DMD: variants seen among roughly 807,000 people sequenced by gnomAD.
The protein encoded by DMD is dystrophin.
In DMD, 63 loss-of-function variants were observed where a neutral mutation model predicts 330.1. The observed-to-expected ratio is 0.19, with a 90% confidence interval of 0.16 to 0.24. The LOEUF (loss-of-function observed/expected upper bound fraction) is 0.24, where lower values mean the gene tolerates loss of function less well. Ranked by LOEUF, DMD falls within the 10% of genes least tolerant of loss-of-function variation. DMD has a pLI of 1.00. For synonymous variants in DMD, 1,223 were observed against 959.8 expected, an observed-to-expected ratio of 1.27 and a Z score of -5.07; for missense variants, 3,344 against 2,684.1, an observed-to-expected ratio of 1.25 and a Z score of -5.43.
At chrX:31,215,245 C>CTT (rs765161735) in intron 64 of DMD, among the ~76,000 whole-genome samples, 2,025 of 99,811 alleles carry the variant, frequency 0.02, 21 homozygotes, top group Middle Eastern at 0.041. Context: ...CCAGCCGATA[C>CTT]TTTTTTTTTT....
At chrX:31,209,153 C>T (rs1405377626) in intron 65 of DMD, among the ~76,000 whole-genome samples, 1 of 111,002 alleles carries the variant, frequency 9.0e-6, no homozygotes, top group Non-Finnish European at 1.9e-5. Context: ...CAGCCATGGC[C>T]GCCAGTGAGA....
At chrX:32,494,444 G>A (rs907211261) in intron 19 of DMD, among the ~76,000 whole-genome samples, 2 of 111,169 alleles carry the variant, frequency 1.8e-5, no homozygotes, top group East Asian at 5.6e-4. Flanking sequence ...GAATTCTGGC[G>A]TTAAAGAGAC....
At chrX:32,564,920 A>G (rs944733309) in intron 16 of DMD, among the ~76,000 whole-genome samples, 7 of 111,919 alleles carry the variant, frequency 6.3e-5, no homozygotes, top group African/African-American at 9.7e-5. Context: ...AATTTTGAGT[A>G]AAGTTATTCC....
rs376263052 is a variant in DMD at position 32,454,299 on chromosome X, A to G, written c.3603+363T>C. Among the ~76,000 whole-genome samples, 11 of 111,361 alleles carry G rather than the reference A, an allele frequency of 9.9e-5. No individual in the cohort carries two copies. In the East Asian group the frequency reaches 2.8e-3, roughly 29 times the overall value. ...CAAATTAACACAGTTTGTTGACTAC[A>G]TTATAAATTTGTCTTTTCAAGAATA... is the stretch of plus-strand genomic sequence containing the variant. On this transcript the variant is annotated intron_variant, in intron 26 of 78. Coordinates refer to ENST00000357033, the MANE Select transcript of DMD (RefSeq NM_004006.3).
At chrX:32,003,949 G>C (rs2095644201) in intron 44 of DMD, among the ~76,000 whole-genome samples, 1 of 111,376 alleles carries the variant, frequency 9.0e-6, no homozygotes, top group African/African-American at 3.3e-5. Flanking sequence ...AAATTTTAGG[G>C]TAAGAAAATA....
chrX:33,177,577 G>C (rs906750838), intron 1 of DMD, among the ~76,000 whole-genome samples: 4 of 110,342 alleles, frequency 3.6e-5, no homozygotes, highest in African/African-American at 1.3e-4. Context: ...GTAGAGACGG[G>C]GTTTCACCAT....
chrX:33,309,825 CA>C (rs1337448948), intron 1 of DMD, among the ~76,000 whole-genome samples: 2 of 110,296 alleles, frequency 1.8e-5, no homozygotes, highest in Non-Finnish European at 3.8e-5. Context: ...AAAATTATAA[CA>C]AAAAAAGTAA....
chrX:32,651,862 G>C (rs1401216267), intron 9 of DMD, among the ~76,000 whole-genome samples: 3 of 112,158 alleles, frequency 2.7e-5, no homozygotes, highest in Non-Finnish European at 5.6e-5. Context: ...AAAAAATAAA[G>C]CTAACAAATT....
intron 45 of DMD, among the ~76,000 whole-genome samples, chrX:31,938,983 C>G (rs1436076613): frequency 9.0e-6 from 1 of 111,264 alleles, no homozygotes; most frequent in Non-Finnish European, 1.9e-5. Flanking sequence ...CTTCTACAAG[C>G]CTCCAAAATA....
intron 13 of DMD, among the ~76,000 whole-genome samples, chrX:32,585,786 G>A (rs1489673354): frequency 9.4e-6 from 1 of 105,843 alleles, no homozygotes; most frequent in Non-Finnish European, 1.9e-5. Context: ...TTGTATGGTG[G>A]GTATTATGAT....
rs2039776543 is a variant in DMD, at chrX:31,169,538, G to A, written c.10458C>T (p.Ser3486=). 1 of 1,202,346 alleles carries A rather than the reference G, an allele frequency of 8.3e-7. No homozygotes were observed. The highest frequency in any genetic ancestry group is 1.8e-5 in the African/African-American group (1 of 56,973). Residue 3486 remains serine (S), a synonymous_variant, in exon 74 of 79, where the codon AGC becomes AGT. Coordinates refer to ENST00000357033, the MANE Select transcript of DMD (RefSeq NM_004006.3). ...CQSLNQDSPL[S]QPRSPAQILI... ...AGATCTGGGCAGGACTACGAGGCTG[G>A]CTCAGGGGGGAGTCCTGGTTCAAAC...
At chrX:33,200,534 A>G (rs928646779) in intron 1 of DMD, among the ~76,000 whole-genome samples, 1 of 111,577 alleles carries the variant, frequency 9.0e-6, no homozygotes, top group Non-Finnish European at 1.9e-5. Context: ...TTTTTCCTAG[A>G]AAAGTGGTAT....
chrX:32,705,540 G>A lies in DMD; in HGVS notation c.650-6247C>T, dbSNP rs191789251. Among the ~76,000 whole-genome samples, 280 of 111,808 alleles carry A rather than the reference G, an allele frequency of 2.5e-3. 1 individual carries two copies. Among genetic ancestry groups the A allele is most frequent in the African/African-American group, 8.8e-3 (271 of 30,807 alleles). On this transcript the variant is annotated intron_variant, in intron 7 of 78. Transcript: ENST00000357033. ...TAGAAAACAGTGGCTCAGGCTGGGC[G>A]CTTTAGCTCATGCCTGTAATCCCAG...
At position 32,440,586 on chromosome X, in the gene DMD, G is replaced by T. The variant is rs752313376; in HGVS notation, c.3921+594C>A. Among the ~76,000 whole-genome samples, 3 of 111,280 alleles carry T rather than the reference G, an allele frequency of 2.7e-5. No homozygotes were observed. In the East Asian group the frequency reaches 8.5e-4, roughly 31 times the overall value. On this transcript the variant is annotated intron_variant, in intron 28 of 78. Transcript: ENST00000357033. ...TCAAAAGTACACTAAAATGCATAGA[G>T]CTTGAATGATTAAATGTCAGAAGTT...
chrX:32,388,983 A>C (rs1441753071), intron 32 of DMD, among the ~76,000 whole-genome samples: 1 of 111,487 alleles, frequency 9.0e-6, no homozygotes, highest in African/African-American at 3.3e-5. Context: ...ATTTCACTGT[A>C]TATCCAGTAC....
chrX:31,736,342 T>C (rs753546672), intron 51 of DMD, among the ~76,000 whole-genome samples: 1 of 111,322 alleles, frequency 9.0e-6, no homozygotes, highest in Non-Finnish European at 1.9e-5. Flanking sequence ...TCAATGGTTA[T>C]TGGAGAACAA....
intron 23 of DMD, among the ~76,000 whole-genome samples, chrX:32,466,841 C>T (rs1197517069): frequency 1.8e-5 from 2 of 111,886 alleles, no homozygotes; most frequent in Non-Finnish European, 3.8e-5. Flanking sequence ...CAAAGTCCTG[C>T]TGACACCTTA....
At chrX:32,324,521 G>C (rs1433279245) in intron 41 of DMD, among the ~76,000 whole-genome samples, 1 of 111,656 alleles carries the variant, frequency 9.0e-6, no homozygotes, top group African/African-American at 3.3e-5. Context: ...ATGAAGTATA[G>C]TTCAAGACCG....
intron 57 of DMD, among the ~76,000 whole-genome samples, chrX:31,484,240 AT>A (rs2068616169): frequency 8.9e-6 from 1 of 112,110 alleles, no homozygotes; most frequent in African/African-American, 3.2e-5. Context: ...ATATACTCAT[AT>A]ATACTGATTT....
Sources: allele counts gnomAD v4.1 joint callset (sites outside exome capture counted in the v4.1 genomes callset), GRCh38; gene constraint gnomAD v4.1.1; transcripts MANE v1.5; gene names NCBI Gene and HGNC (gene_info 2026-07-23, HGNC 2026-07-21).